The following PHF21B variants were observed in gnomAD, a reference collection of about 807,000 sequenced individuals.
PHF21B encodes the protein PHD finger protein 21B, also known as PHD finger protein 4.
In PHF21B, 22 loss-of-function variants were observed where a neutral mutation model predicts 62.2. The observed-to-expected ratio is 0.35, with a 90% CI of 0.25 to 0.51. The LOEUF is 0.51. Ranked by LOEUF, PHF21B falls within the 20% of genes least tolerant of loss-of-function variation. The pLI is 0.97. For missense variants in PHF21B, 701 were observed against 707.9 expected (o/e 0.99, Z 0.11); for synonymous variants, 341 against 314.7 (o/e 1.08, Z -0.88).
chr22:44,926,877 G>T (rs2071643110), intron 2 of PHF21B, among the ~76,000 whole-genome samples: 1 of 152,160 alleles, frequency 6.6e-6, no homozygotes, highest in Non-Finnish European at 1.5e-5. Flanking sequence ...TCTGGGCGTT[G>T]CTCAGCAGCA....
At chr22:44,906,104 C>T (rs932983128) in intron 5 of PHF21B, among the ~76,000 whole-genome samples, 45 of 152,114 alleles carry the variant, frequency 3.0e-4, no homozygotes, top group Non-Finnish European at 8.8e-5. Flanking sequence ...TGCTCAATTC[C>T]GAACCAAGGG....
In PHF21B at chr22:44,949,736, C is replaced by T. The variant is rs139173453; in HGVS notation, c.121-29246G>A. Among the ~76,000 whole-genome samples, 3 of 152,260 alleles carry T rather than the reference C, an allele frequency of 2.0e-5. No individual in the cohort carries two copies. In the East Asian group the frequency reaches 5.8e-4, roughly 29 times the overall value. On this transcript the variant is annotated intron_variant, in intron 2 of 12. Transcript: ENST00000313237. ...TGTATCAGAGAAGACGTGTGTGTAC[C>T]GCGTCCATCTCCTCACAGAGCCGCG...
intron 2 of PHF21B, among the ~76,000 whole-genome samples, chr22:44,953,801 TAA>T (rs912011939): frequency 4.6e-5 from 7 of 152,260 alleles, no homozygotes; most frequent in Non-Finnish European, 1.0e-4. Context: ...TTTTAGGCAC[TAA>T]ATACTATTTT....
chr22:44,885,653 G>A, intron 11 of PHF21B, 124 bp from the exon 12 acceptor site: 1 of 1,092,448 alleles, frequency 9.2e-7, no homozygotes, highest in South Asian at 1.6e-5. Flanking sequence ...GAAGCCAGTG[G>A]CTGTGGCCAA....
chr22:44,903,438 C>T (rs1000783539), intron 5 of PHF21B, among the ~76,000 whole-genome samples: 9 of 151,434 alleles, frequency 5.9e-5, no homozygotes, highest in Non-Finnish European at 1.0e-4. Flanking sequence ...CCCAGTCTGC[C>T]GATGCTCTGC....
intron 2 of PHF21B, among the ~76,000 whole-genome samples, chr22:44,980,518 A>T (rs1366731648): frequency 6.6e-6 from 1 of 152,176 alleles, no homozygotes; most frequent in Non-Finnish European, 1.5e-5. Flanking sequence ...GCCAGCCCAT[A>T]AGTAAAACCC....
intron 5 of PHF21B, among the ~76,000 whole-genome samples, chr22:44,906,132 C>T (rs1011475586): frequency 5.9e-5 from 9 of 152,130 alleles, no homozygotes; most frequent in African/African-American, 2.2e-4. Context: ...CCCTGGCTGC[C>T]GTGTTTTAGG....
At chr22:44,953,068 A>G (rs990777111) in intron 2 of PHF21B, among the ~76,000 whole-genome samples, 2 of 152,160 alleles carry the variant, frequency 1.3e-5, no homozygotes, top group African/African-American at 2.4e-5. Context: ...CCCAACTGCT[A>G]CGATGGCTTC....
chr22:44,986,579 A>ACC (rs962250178), intron 2 of PHF21B, among the ~76,000 whole-genome samples: 5 of 149,758 alleles, frequency 3.3e-5, no homozygotes, highest in African/African-American at 1.2e-4. Flanking sequence ...AGGCTCAGTG[A>ACC]CCCCCACATG....
At chr22:44,917,298 G>A (rs1206741683) in intron 3 of PHF21B, among the ~76,000 whole-genome samples, 2 of 152,218 alleles carry the variant, frequency 1.3e-5, no homozygotes, top group Non-Finnish European at 2.9e-5. Context: ...ATCTGCATGA[G>A]GTGATGAGAC....
At chr22:44,904,380 G>C (rs2071213352) in intron 5 of PHF21B, among the ~76,000 whole-genome samples, 1 of 151,900 alleles carries the variant, frequency 6.6e-6, no homozygotes, top group East Asian at 1.9e-4. Context: ...GCTGTCTCTG[G>C]CTTCATCTAT....
At chr22:44,982,893 A>G (rs2072868948) in intron 2 of PHF21B, among the ~76,000 whole-genome samples, 9 of 29,342 alleles carry the variant, frequency 3.1e-4, no homozygotes, top group Admixed American at 2.6e-3. Context: ...GACAAGTTCA[A>G]AGCCAGCAGA....
chr22:44,921,593 C>T (rs906749013), intron 2 of PHF21B, among the ~76,000 whole-genome samples: 3 of 151,596 alleles, frequency 2.0e-5, no homozygotes, highest in Non-Finnish European at 4.4e-5. Flanking sequence ...TCTCAATCTC[C>T]TGACCTCATG....
intron 5 of PHF21B, among the ~76,000 whole-genome samples, chr22:44,907,952 G>T (rs1444977147): frequency 3.9e-5 from 6 of 152,198 alleles, no homozygotes; most frequent in Non-Finnish European, 8.8e-5. Flanking sequence ...CGCTGGGGGG[G>T]TGAGGCCAGC....
rs1242656696 is a variant in PHF21B, at chr22:44,926,985, G to A, written c.121-6495C>T. ...TTTGGCTCTGTGTCTGTGTTTCTGG[G>A]CCTCATATCTGGTCAAGGCTCGACG... On this transcript the variant is annotated intron_variant, in intron 2 of 12. Transcript: ENST00000313237. 2.0e-5 allele frequency among the ~76,000 whole-genome samples: 3 copies of A among 152,202 alleles called. No individual in the cohort carries two copies. The East Asian group carries it at 5.8e-4, about 29-fold the overall frequency.
At chr22:44,945,416 A>G (rs955327135) in intron 2 of PHF21B, among the ~76,000 whole-genome samples, 1 of 151,682 alleles carries the variant, frequency 6.6e-6, no homozygotes, top group African/African-American at 2.4e-5. Context: ...GAAATCTGAG[A>G]CCCTCCCATC....
chr22:44,936,750 T>C (rs1208066454), intron 2 of PHF21B, among the ~76,000 whole-genome samples: 3 of 152,246 alleles, frequency 2.0e-5, no homozygotes, highest in Non-Finnish European at 4.4e-5. Flanking sequence ...ACTTTTTTTA[T>C]TGTGGCTTAC....
intron 2 of PHF21B, chr22:44,970,893 C>T (rs1047195630): frequency 6.6e-6 from 1 of 152,228 alleles, no homozygotes; most frequent in African/African-American, 2.4e-5. Context: ...GGTGGCTCTT[C>T]GTCTGTTTTG....
intron 2 of PHF21B, among the ~76,000 whole-genome samples, chr22:44,961,800 G>A (rs903015863): frequency 5.3e-5 from 8 of 151,540 alleles, no homozygotes; most frequent in Admixed American, 1.3e-4. Context: ...GAGGTTGCGC[G>A]CACCACTGCA....
Sources: gnomAD v4.1 joint callset for allele counts (sites outside exome capture counted in the v4.1 genomes callset) on GRCh38, gnomAD v4.1.1 for gene constraint, MANE v1.5 for transcripts, NCBI Gene and HGNC (gene_info 2026-07-23, HGNC 2026-07-21) for gene names.